GNA12: variants seen among roughly 807,000 people sequenced by gnomAD.
GNA12 encodes G protein subunit alpha 12.
A neutral mutation model predicts 26.0 loss-of-function variants in GNA12; 9 were observed. That is an observed-to-expected ratio of 0.35 (90% CI 0.21 to 0.60). GNA12 has a LOEUF of 0.60. GNA12 is among the 20% of genes least tolerant of loss of function. The probability of loss-of-function intolerance (pLI) is 0.78; values close to 1 mark genes in which losing one functional copy is unlikely to be tolerated. For missense variants in GNA12, 405 were observed against 525.8 expected (o/e 0.77, Z 2.25); for synonymous variants, 264 against 219.6 (o/e 1.20, Z -1.79).
At chr7:2,808,856 G>A (rs187635682) in intron 1 of GNA12, among the ~76,000 whole-genome samples, 35 of 152,240 alleles carry the variant, frequency 2.3e-4, no homozygotes, top group South Asian at 6.2e-4. Flanking sequence ...ACCCTACAAG[G>A]CTCCCATCTC....
At chr7:2,775,417 G>A (rs1352304683) in intron 2 of GNA12, 1 of 152,190 alleles carries the variant, frequency 6.6e-6, no homozygotes, top group Non-Finnish European at 1.5e-5. Flanking sequence ...GAGTGGGAAC[G>A]ACAAACCGAG....
At chr7:2,772,178 C>A (rs562843201) in intron 2 of GNA12, among the ~76,000 whole-genome samples, 28 of 152,260 alleles carry the variant, frequency 1.8e-4, no homozygotes, top group African/African-American at 6.7e-4. Flanking sequence ...TCGAGAATTC[C>A]CAAGAAAATG....
intron 1 of GNA12, among the ~76,000 whole-genome samples, chr7:2,813,222 G>C (rs755593472): frequency 2.0e-5 from 3 of 152,160 alleles, no homozygotes; most frequent in Non-Finnish European, 4.4e-5. Flanking sequence ...ATAACAAGAG[G>C]TTACAGTTTA....
chr7:2,744,305 C>G (rs1367122868), intron 2 of GNA12, among the ~76,000 whole-genome samples: 2 of 152,200 alleles, frequency 1.3e-5, no homozygotes, highest in Non-Finnish European at 2.9e-5. Flanking sequence ...CGGCCGGGTA[C>G]TCCTCTGAGA....
chr7:2,768,584 A>C (rs1791866448), intron 2 of GNA12, among the ~76,000 whole-genome samples: 1 of 152,174 alleles, frequency 6.6e-6, no homozygotes, highest in Non-Finnish European at 1.5e-5. Context: ...GTTTTCTTTC[A>C]AAATGGTTAT....
intron 2 of GNA12, among the ~76,000 whole-genome samples, chr7:2,749,828 A>G (rs1357772725): frequency 2.6e-5 from 4 of 152,286 alleles, no homozygotes; most frequent in Admixed American, 2.6e-4. Context: ...GTGACCACTG[A>G]AATTAGATTA....
chr7:2,818,505 G>A (rs1793266767), intron 1 of GNA12, among the ~76,000 whole-genome samples: 1 of 152,028 alleles, frequency 6.6e-6, no homozygotes, highest in Non-Finnish European at 1.5e-5. Context: ...GCTCATGCCT[G>A]TAATCCCAGC....
chr7:2,830,880 G>T (rs550190266), intron 1 of GNA12, among the ~76,000 whole-genome samples: 12 of 152,190 alleles, frequency 7.9e-5, no homozygotes, highest in African/African-American at 2.9e-4. Context: ...GGTCGAAGCT[G>T]CAGTGAGCTG....
At chr7:2,746,533 A>T (rs184440087) in intron 2 of GNA12, among the ~76,000 whole-genome samples, 23,009 of 152,140 alleles carry the variant, frequency 0.15, 1,887 homozygotes, top group Non-Finnish European at 0.2. Flanking sequence ...GTAGAGGGAA[A>T]TTTATAGCAC....
chr7:2,815,542 G>A (rs1793199494), intron 1 of GNA12, among the ~76,000 whole-genome samples: 1 of 152,220 alleles, frequency 6.6e-6, no homozygotes, highest in East Asian at 1.9e-4. Flanking sequence ...CCAAGCACTG[G>A]ACAACCAGGG....
chr7:2,782,672 T>C (rs1792259634), intron 2 of GNA12, among the ~76,000 whole-genome samples: 1 of 151,952 alleles, frequency 6.6e-6, no homozygotes, highest in Non-Finnish European at 1.5e-5. Context: ...TTTTTTTTAA[T>C]CTTGCTTGGG....
chr7:2,736,290 G>T (rs144443232), intron 2 of GNA12, among the ~76,000 whole-genome samples: 1 of 152,158 alleles, frequency 6.6e-6, no homozygotes, highest in Non-Finnish European at 1.5e-5. Flanking sequence ...CTAGAAACAC[G>T]AGTGGATCCA....
intron 2 of GNA12, among the ~76,000 whole-genome samples, chr7:2,794,174 G>A (rs954456706): frequency 9.2e-5 from 14 of 152,118 alleles, no homozygotes; most frequent in African/African-American, 3.4e-4. Context: ...AATAATAAAT[G>A]GGTATTATGG....
At chr7:2,786,015 T>G (rs1490444814) in intron 2 of GNA12, among the ~76,000 whole-genome samples, 1 of 152,186 alleles carries the variant, frequency 6.6e-6, no homozygotes, top group Non-Finnish European at 1.5e-5. Flanking sequence ...TGCAGTGAGC[T>G]GAGATCGCAC....
intron 2 of GNA12, among the ~76,000 whole-genome samples, chr7:2,764,110 G>A (rs2115407782): frequency 6.6e-6 from 1 of 152,168 alleles, no homozygotes; most frequent in Admixed American, 6.5e-5. Context: ...TCACTCTGTT[G>A]CCCAGGTTAG....
chr7:2,781,311 CAT>C (rs1460038936), intron 2 of GNA12, among the ~76,000 whole-genome samples: 1 of 152,088 alleles, frequency 6.6e-6, no homozygotes, highest in Non-Finnish European at 1.5e-5. Flanking sequence ...AAGATTCTCT[CAT>C]ATATATGTGT....
chr7:2,795,293 T>C (rs1792630808), intron 1 of GNA12, 150 bp from the exon 2 acceptor site: 4 of 653,464 alleles, frequency 6.1e-6, no homozygotes, highest in East Asian at 2.7e-5. Flanking sequence ...GGTTTGTTTG[T>C]TGTGATGTGG....
In GNA12 at chr7:2,839,791, G is replaced by A. The variant is rs573665425; in HGVS notation, c.309+4062C>T. 7.2e-5 allele frequency among the ~76,000 whole-genome samples: 11 copies of A among 152,272 alleles called. No individual in the cohort carries two copies. The East Asian group carries it at 2.1e-3, about 29-fold the overall frequency. ...CGAGGCGGGTGGATCACGAGGTCAGGAGTTGGGGATCAGCCTGGCCAACAT... is the reference window on the plus strand; with the variant it reads ...CGAGGCGGGTGGATCACGAGGTCAGAAGTTGGGGATCAGCCTGGCCAACAT... On this transcript the variant is annotated intron_variant, in intron 1 of 3. Transcript: ENST00000275364.
chr7:2,749,981 A>G (rs1390121474), intron 2 of GNA12, among the ~76,000 whole-genome samples: 1 of 152,214 alleles, frequency 6.6e-6, no homozygotes, highest in Non-Finnish European at 1.5e-5. Context: ...GGGGCAGAGA[A>G]TGTTTTTAGA....
Sources: allele counts gnomAD v4.1 joint callset (sites outside exome capture counted in the v4.1 genomes callset), GRCh38; gene constraint gnomAD v4.1.1; transcripts MANE v1.5; gene names NCBI Gene and HGNC (gene_info 2026-07-23, HGNC 2026-07-21).